Variants in TMEM117 observed in about 807,000 individuals in gnomAD.
The protein encoded by TMEM117 is transmembrane protein 117.
Under a neutral mutation model 52.4 loss-of-function variants are expected in TMEM117, and 27 were observed. The observed-to-expected ratio is 0.51, with a 90% CI of 0.38 to 0.71. The LOEUF (loss-of-function observed/expected upper bound fraction) is 0.71. Among genes scored for constraint, TMEM117 ranks in the 30% least tolerant of loss-of-function variants. The pLI, the probability that TMEM117 is intolerant of heterozygous loss-of-function variation, is 0.00. For synonymous variants in TMEM117, 215 were observed against 206.3 expected (o/e 1.04, Z -0.36); for missense variants, 556 against 630.5 (o/e 0.88, Z 1.26).
chr12:43,854,528 G>A (rs749695877), intron 2 of TMEM117, among the ~76,000 whole-genome samples: 2 of 152,092 alleles, frequency 1.3e-5, no homozygotes, highest in Non-Finnish European at 2.9e-5. Flanking sequence ...AGCAGGTCAT[G>A]AGCACATAAG....
chr12:44,197,832 C>G (rs1180022980), intron 4 of TMEM117, among the ~76,000 whole-genome samples: 1 of 152,060 alleles, frequency 6.6e-6, no homozygotes, highest in Non-Finnish European at 1.5e-5. Flanking sequence ...AGTAGGGATC[C>G]AGCAATAAGG....
In TMEM117 at chr12:44,155,004, A is replaced by G. The variant is rs575436732; in HGVS notation, c.510+11380A>G. On this transcript the variant is annotated intron_variant, in intron 4 of 7. Coordinates refer to ENST00000266534, the MANE Select transcript of TMEM117 (RefSeq NM_032256.3). Reference sequence around the variant, plus strand: ...TGAAGTGCAGAGCTTATACAAATAAATGAGGAATAGTCCAAATTTATTTTT... The same window carrying G: ...TGAAGTGCAGAGCTTATACAAATAAGTGAGGAATAGTCCAAATTTATTTTT... Among the ~76,000 whole-genome samples the G allele has an allele frequency of 1.1e-4, 16 of 152,190 alleles. No individual in the cohort carries two copies. In the South Asian group the frequency reaches 2.9e-3, roughly 28 times the overall value.
intron 5 of TMEM117, among the ~76,000 whole-genome samples, chr12:44,297,865 T>C (rs1377556694): frequency 2.0e-5 from 3 of 152,150 alleles, no homozygotes; most frequent in Non-Finnish European, 4.4e-5. Context: ...ATCTATTGAG[T>C]TATAATAATT....
chr12:44,159,062 G>A (rs1312563413), intron 4 of TMEM117, among the ~76,000 whole-genome samples: 1 of 152,158 alleles, frequency 6.6e-6, no homozygotes, highest in Non-Finnish European at 1.5e-5. Context: ...AATTTCTGTG[G>A]TACTGGGCTG....
At chr12:44,072,189 T>C (rs1467827492) in intron 3 of TMEM117, among the ~76,000 whole-genome samples, 1 of 151,858 alleles carries the variant, frequency 6.6e-6, no homozygotes, top group African/African-American at 2.4e-5. Flanking sequence ...ACAGTAGCTC[T>C]TTTCTTGGTA....
chr12:43,814,937 G>T, the TMEM117 span, among the ~76,000 whole-genome samples: 2 of 151,998 alleles, frequency 1.3e-5, no homozygotes, highest in East Asian at 3.9e-4. Context: ...TAGAGACGGG[G>T]TTTCACCATG....
chr12:44,042,868 G>T (rs2137901996), intron 3 of TMEM117, among the ~76,000 whole-genome samples: 1 of 151,808 alleles, frequency 6.6e-6, no homozygotes, highest in South Asian at 2.1e-4. Flanking sequence ...ACCAGGAGTA[G>T]TTGTAGAGGA....
intron 3 of TMEM117, among the ~76,000 whole-genome samples, chr12:44,117,987 A>G (rs10506237): frequency 0.12 from 18,580 of 151,876 alleles, 1,362 homozygotes; most frequent in Middle Eastern, 0.21. Context: ...AATATCATCT[A>G]TCTAAATCTT....
At chr12:44,122,593 A>G (rs1248772183) in intron 3 of TMEM117, among the ~76,000 whole-genome samples, 2 of 152,098 alleles carry the variant, frequency 1.3e-5, no homozygotes, top group African/African-American at 4.8e-5. Flanking sequence ...GCCCCAGTGC[A>G]TATTGTTCCC....
At chr12:44,226,175 G>GGC (rs1411962173) in intron 5 of TMEM117, among the ~76,000 whole-genome samples, 2 of 152,240 alleles carry the variant, frequency 1.3e-5, no homozygotes, top group Admixed American at 6.5e-5. Flanking sequence ...TAGAGAACCA[G>GGC]GCAGAATTGC....
intron 2 of TMEM117, among the ~76,000 whole-genome samples, chr12:43,889,451 TATGAGAATCTA>T (rs1363981984): frequency 6.6e-6 from 1 of 152,164 alleles, no homozygotes; most frequent in East Asian, 1.9e-4. Flanking sequence ...TTCACACTCT[TATGAGAATCTA>T]ATGCTGCCAC....
At chr12:44,040,074 A>G (rs1184908219) in intron 3 of TMEM117, among the ~76,000 whole-genome samples, 2 of 152,138 alleles carry the variant, frequency 1.3e-5, no homozygotes, top group Non-Finnish European at 1.5e-5. Context: ...GCTGATTTCC[A>G]TGCTGTAAAT....
intron 3 of TMEM117, among the ~76,000 whole-genome samples, chr12:44,035,070 C>A (rs747083400): frequency 2.0e-5 from 3 of 152,208 alleles, no homozygotes; most frequent in Non-Finnish European, 4.4e-5. Flanking sequence ...CAGACCTGGA[C>A]TGAATTACAG....
chr12:44,201,403 A>G (rs1392083625), intron 4 of TMEM117, among the ~76,000 whole-genome samples: 1 of 152,218 alleles, frequency 6.6e-6, no homozygotes, highest in Admixed American at 6.5e-5. Flanking sequence ...TCCCTAAAAA[A>G]TATAACTAAA....
At chr12:44,002,309 TC>T (rs1946128353) in intron 3 of TMEM117, among the ~76,000 whole-genome samples, 1 of 152,140 alleles carries the variant, frequency 6.6e-6, no homozygotes, top group South Asian at 2.1e-4. Flanking sequence ...GCTGAGGGCC[TC>T]CCTAATGGAG....
intron 3 of TMEM117, among the ~76,000 whole-genome samples, chr12:44,025,842 G>C (rs543204059): frequency 1.3e-5 from 2 of 152,118 alleles, no homozygotes; most frequent in African/African-American, 2.4e-5. Flanking sequence ...TCATTACACA[G>C]CTACAATTCT....
At chr12:43,856,611 C>T (rs1466333104) in intron 2 of TMEM117, among the ~76,000 whole-genome samples, 1 of 152,174 alleles carries the variant, frequency 6.6e-6, no homozygotes, top group Non-Finnish European at 1.5e-5. Flanking sequence ...TGAAAACATA[C>T]AGTATATACT....
chr12:44,234,969 G>A (rs867230864), intron 5 of TMEM117, among the ~76,000 whole-genome samples: 1 of 151,530 alleles, frequency 6.6e-6, no homozygotes, highest in South Asian at 2.1e-4. Flanking sequence ...TTTATTAACT[G>A]TGTTCAATTC....
intron 3 of TMEM117, among the ~76,000 whole-genome samples, chr12:44,071,585 T>A (rs1480416292): frequency 6.6e-6 from 1 of 152,208 alleles, no homozygotes; most frequent in Admixed American, 6.5e-5. Flanking sequence ...ATTAAACTAC[T>A]TACAATCAGT....
Sources: allele counts gnomAD v4.1 joint callset (sites outside exome capture counted in the v4.1 genomes callset), GRCh38; gene constraint gnomAD v4.1.1; transcripts MANE v1.5; gene names NCBI Gene and HGNC (gene_info 2026-07-23, HGNC 2026-07-21).